Variants in SYN3 observed in about 807,000 individuals in gnomAD.
SYN3 encodes synapsin III.
A neutral mutation model predicts 65.8 loss-of-function variants in SYN3; 35 were observed. That is an observed-to-expected ratio of 0.53 (90% CI 0.41 to 0.70). The LOEUF (loss-of-function observed/expected upper bound fraction) is 0.70. Ranked by LOEUF, SYN3 falls within the 30% of genes least tolerant of loss-of-function variation. The pLI, the probability that SYN3 is intolerant of heterozygous loss-of-function variation, is 0.00. For synonymous variants in SYN3, 270 were observed against 292.9 expected (o/e 0.92, Z 0.80); for missense variants, 680 against 749.0 (o/e 0.91, Z 1.08).
intron 1 of SYN3, among the ~76,000 whole-genome samples, chr22:33,036,211 T>C (rs528878233): frequency 6.6e-6 from 1 of 152,258 alleles, no homozygotes; most frequent in African/African-American, 2.4e-5. Context: ...CTCAGATGTG[T>C]CTGTGGCTTA....
intron 3 of SYN3, among the ~76,000 whole-genome samples, chr22:32,952,241 T>A (rs1384308120): frequency 6.6e-6 from 1 of 151,184 alleles, no homozygotes; most frequent in East Asian, 1.9e-4. Flanking sequence ...TGTGTGTGTG[T>A]GAATATTGAA....
intron 6 of SYN3, among the ~76,000 whole-genome samples, chr22:32,640,691 C>T (rs1334607394): frequency 6.6e-6 from 1 of 152,054 alleles, no homozygotes; most frequent in Admixed American, 6.5e-5. Context: ...ATGGTGAAAC[C>T]CCATCTCTAC....
intron 6 of SYN3, among the ~76,000 whole-genome samples, chr22:32,830,705 C>T (rs1402409853): frequency 2.6e-5 from 4 of 152,144 alleles, no homozygotes; most frequent in African/African-American, 9.7e-5. Flanking sequence ...CCCTGCAGGG[C>T]CCTGGAATCC....
At chr22:32,933,955 T>A (rs1055001517) in intron 3 of SYN3, among the ~76,000 whole-genome samples, 1 of 152,220 alleles carries the variant, frequency 6.6e-6, no homozygotes, top group African/African-American at 2.4e-5. Flanking sequence ...TCTCCCCAGA[T>A]AGCATTAGAG....
chr22:32,978,039 G>C (rs1001027580), intron 3 of SYN3, among the ~76,000 whole-genome samples: 1 of 152,212 alleles, frequency 6.6e-6, no homozygotes, highest in Non-Finnish European at 1.5e-5. Flanking sequence ...CTCAGAGAAG[G>C]AGTCTTTGAG....
intron 1 of SYN3, among the ~76,000 whole-genome samples, chr22:33,027,257 C>G (rs2053653925): frequency 6.6e-6 from 1 of 152,054 alleles, no homozygotes; most frequent in Non-Finnish European, 1.5e-5. Context: ...CAGGTATTAA[C>G]TAGAATCTGT....
intron 1 of SYN3, among the ~76,000 whole-genome samples, chr22:33,032,099 A>T (rs2053765498): frequency 6.6e-6 from 1 of 151,378 alleles, no homozygotes; most frequent in African/African-American, 2.4e-5. Flanking sequence ...AGTCCCAGCT[A>T]CTCAGAAGGC....
chr22:32,629,398 G>A (rs975058133), intron 6 of SYN3, among the ~76,000 whole-genome samples: 4 of 152,196 alleles, frequency 2.6e-5, no homozygotes, highest in Admixed American at 6.5e-5. Context: ...AGAATCATTT[G>A]CTATCCTTGT....
At chr22:32,806,455 A>G (rs2046738914) in intron 6 of SYN3, among the ~76,000 whole-genome samples, 1 of 152,204 alleles carries the variant, frequency 6.6e-6, no homozygotes, top group South Asian at 2.1e-4. Flanking sequence ...CATTCCAGCC[A>G]GTATGGACAA....
intron 3 of SYN3, among the ~76,000 whole-genome samples, chr22:32,947,240 G>C (rs1012525398): frequency 6.6e-6 from 1 of 152,036 alleles, no homozygotes; most frequent in African/African-American, 2.4e-5. Flanking sequence ...ACTGTTATAT[G>C]TTCATCTTTT....
At chr22:32,611,247 T>C (rs1312944258) in intron 6 of SYN3, among the ~76,000 whole-genome samples, 1 of 150,796 alleles carries the variant, frequency 6.6e-6, no homozygotes, top group Non-Finnish European at 1.5e-5. Flanking sequence ...TCTTTGGCCA[T>C]TTGAGAGCAG....
At chr22:33,033,777 A>G (rs528575110) in intron 1 of SYN3, among the ~76,000 whole-genome samples, 1 of 152,246 alleles carries the variant, frequency 6.6e-6, no homozygotes, top group East Asian at 1.9e-4. Flanking sequence ...TGATTAGCCA[A>G]CGGGGAGACT....
At chr22:33,008,320 T>C (rs1279035186) in intron 1 of SYN3, among the ~76,000 whole-genome samples, 1 of 152,212 alleles carries the variant, frequency 6.6e-6, no homozygotes, top group African/African-American at 2.4e-5. Flanking sequence ...GATAAATGTA[T>C]ATACTGGTAT....
chr22:32,574,871 T>C (rs114643563), intron 7 of SYN3, among the ~76,000 whole-genome samples: 40 of 152,358 alleles, frequency 2.6e-4, no homozygotes, highest in African/African-American at 9.6e-4. Context: ...TGAAATTATT[T>C]TGTATTAATA....
chr22:32,517,962 A>G, intron 13 of SYN3, 81 bp downstream of exon 13: 2 of 1,373,912 alleles, frequency 1.5e-6, no homozygotes, highest in South Asian at 4.5e-5. Context: ...CTTTGTCTCC[A>G]AGTCCCTAAC....
intron 6 of SYN3, among the ~76,000 whole-genome samples, chr22:32,689,706 C>T (rs374392660): frequency 7.2e-4 from 109 of 152,164 alleles, no homozygotes; most frequent in African/African-American, 2.3e-3. Context: ...CCAAGAGGGT[C>T]GAGGAGAGAG....
intron 6 of SYN3, among the ~76,000 whole-genome samples, chr22:32,780,278 G>C (rs1356536385): frequency 6.6e-6 from 1 of 151,978 alleles, no homozygotes; most frequent in Non-Finnish European, 1.5e-5. Flanking sequence ...GCTGGCCCTG[G>C]GGGGTGCCGG....
chr22:32,705,994 C>T (rs1040238875), intron 6 of SYN3, among the ~76,000 whole-genome samples: 11 of 152,206 alleles, frequency 7.2e-5, no homozygotes, highest in Admixed American at 5.2e-4. Flanking sequence ...TATAGAATCA[C>T]ATCAATGGCA....
At chr22:33,004,380 C>G (rs1049042712) in intron 2 of SYN3, among the ~76,000 whole-genome samples, 1 of 152,270 alleles carries the variant, frequency 6.6e-6, no homozygotes, top group Non-Finnish European at 1.5e-5. Context: ...AGGGATGGAG[C>G]TATCCAAGGT....
Sources: allele counts gnomAD v4.1 joint callset (sites outside exome capture counted in the v4.1 genomes callset), GRCh38; gene constraint gnomAD v4.1.1; transcripts MANE v1.5; gene names NCBI Gene and HGNC (gene_info 2026-07-23, HGNC 2026-07-21).